PPP6R1: variants seen among roughly 807,000 people sequenced by gnomAD.
The protein encoded by PPP6R1 is protein phosphatase 6 regulatory subunit 1.
In PPP6R1, 39 loss-of-function variants were observed where a neutral mutation model predicts 104.6. The observed-to-expected ratio is 0.37, with a 90% CI of 0.29 to 0.49. The LOEUF (loss-of-function observed/expected upper bound fraction) is 0.49, where lower values mean the gene tolerates loss of function less well. Ranked by LOEUF, PPP6R1 falls within the 20% of genes least tolerant of loss-of-function variation. PPP6R1 has a pLI of 0.98. For missense variants in PPP6R1, 1,181 were observed against 1,155.8 expected (o/e 1.02, Z -0.32); for synonymous variants, 549 against 479.0 (o/e 1.15, Z -1.91).
rs1276711694 is a variant in PPP6R1 at position 55,245,545 on chromosome 19, C to T, written c.361G>A (p.Ala121Thr). The change falls in exon 3 of 24, where the codon GCC becomes ACC. Residue 121 changes from alanine (A) to threonine (T), a missense_variant. Coordinates refer to ENST00000412770, the MANE Select transcript of PPP6R1 (RefSeq NM_014931.4). This position sits in a 1 kb window ranked among gnomAD's most constrained non-coding sequence, Gnocchi z 6.4. ...CCCATGACCTTGCTGAAGAAGCTGG[C>T]CAGCAGTGGGTTGAGGCTGCCGGTG... ...QSTGSLNPLLASFFSKVMGIL... is the reference protein window; with the variant it reads ...QSTGSLNPLLTSFFSKVMGIL... The T allele has an allele frequency of 6.2e-7, 1 of 1,611,214 alleles. No individual in the cohort carries two copies. Among genetic ancestry groups the T allele is most frequent in the Non-Finnish European group, 8.5e-7 (1 of 1,178,800 alleles).
chr19:55,228,445 G>T (rs10419308), downstream of PPP6R1: 1 of 1,609,698 alleles, frequency 6.2e-7, no homozygotes, highest in East Asian at 2.2e-5. Context: ...GCGCTTTGGG[G>T]AGTGGGGAGC....
intron 15 of PPP6R1, 82 bp downstream of exon 15, chr19:55,239,323 C>T (rs1447660400): frequency 4.5e-6 from 6 of 1,347,108 alleles, no homozygotes; most frequent in African/African-American, 1.4e-5. Context: ...CATGTAGGTG[C>T]GTGCAGGGGA....
chr19:55,242,501 G>A lies in PPP6R1; in HGVS notation c.619-13C>T. On this transcript the variant is annotated splice_polypyrimidine_tract_variant and intron_variant, in intron 5 of 23. Coordinates refer to ENST00000412770, the MANE Select transcript of PPP6R1 (RefSeq NM_014931.4). ...CGTTGGAATGTTGCTGGAACGGGGA[G>A]AGACAGGTGAGGATCCTGGTCGGGC... 1 of 1,605,956 alleles carries A rather than the reference G, an allele frequency of 6.2e-7. No individual in the cohort carries two copies. The highest frequency in any genetic ancestry group is 8.5e-7 in the Non-Finnish European group (1 of 1,172,736).
chr19:55,250,681 C>T (rs2087545967), intron 1 of PPP6R1, among the ~76,000 whole-genome samples: 1 of 152,120 alleles, frequency 6.6e-6, no homozygotes, highest in Non-Finnish European at 1.5e-5. Flanking sequence ...CAGCACAGTT[C>T]GGCCAGAGGC....
rs939200970 is a variant in PPP6R1 at position 55,245,726 on chromosome 19, G to A, written c.228-48C>T. Reference sequence around the variant, plus strand: ...TGGGGGCTCGGGTCGGAGGCCGGGGGCAGGGGGCGGCAAGGCTCCACCCTC... The same window carrying A: ...TGGGGGCTCGGGTCGGAGGCCGGGGACAGGGGGCGGCAAGGCTCCACCCTC... On this transcript the variant is annotated intron_variant, in intron 2 of 23. Coordinates refer to ENST00000412770, the MANE Select transcript of PPP6R1 (RefSeq NM_014931.4). This position sits in a 1 kb window ranked among gnomAD's most constrained non-coding sequence, Gnocchi z 6.4. 5.7e-6 allele frequency: 8 copies of A among 1,395,872 alleles called. No homozygotes were observed. In the East Asian group the frequency reaches 1.7e-4, roughly 29 times the overall value. 86.5% of individuals were successfully genotyped at this position (1,395,872 alleles called of 1,614,324 possible).
rs1408956716 is a variant in PPP6R1, at chr19:55,232,080, G to C, written c.2120C>G (p.Pro707Arg). The change falls in exon 18 of 24, where the codon CCT becomes CGT. Residue 707 changes from proline to arginine, a missense_variant. Transcript: ENST00000412770. ...CACACCGCCCATTCATTCACCTGGA[G>C]GCTGAGGGCCAGGGCTGGGGTAGGA... ...PLSYPSPGPQPPGPSWTATFD... is the reference protein window; with the variant it reads ...PLSYPSPGPQRPGPSWTATFD... 6.2e-7 allele frequency: 1 copy of C among 1,611,554 alleles called. No individual in the cohort carries two copies.
intron 5 of PPP6R1, among the ~76,000 whole-genome samples, chr19:55,244,416 G>C (rs1420983887): frequency 6.6e-6 from 1 of 152,242 alleles, no homozygotes; most frequent in Admixed American, 6.5e-5. Context: ...GAGGATGTGA[G>C]GGCGCTTGAA....
chr19:55,240,640 C>T (rs2087446781), intron 10 of PPP6R1, among the ~76,000 whole-genome samples: 1 of 137,306 alleles, frequency 7.3e-6, no homozygotes, highest in African/African-American at 2.6e-5. Flanking sequence ...TGCTCTCACA[C>T]ACGCTTGCAC....
intron 1 of PPP6R1, among the ~76,000 whole-genome samples, chr19:55,249,702 A>G (rs1207549697): frequency 1.3e-5 from 2 of 152,108 alleles, no homozygotes; most frequent in East Asian, 3.9e-4. Flanking sequence ...TTAGCCGGGC[A>G]TGGTGGTGTG....
At chr19:55,251,911 A>T (rs192876654) in intron 1 of PPP6R1, among the ~76,000 whole-genome samples, 15 of 152,262 alleles carry the variant, frequency 9.9e-5, no homozygotes, top group Non-Finnish European at 1.6e-4. Context: ...GGCTGTGGCG[A>T]GCAAAGCACC....
At chr19:55,229,075 C>T (rs959108344), downstream of PPP6R1, 2 of 269,594 alleles carry the variant, frequency 7.4e-6, no homozygotes, top group African/African-American at 2.1e-5. Flanking sequence ...CCAACAGCCA[C>T]CCCATCATGG....
At chr19:55,257,947 G>A (rs893082588) in intron 1 of PPP6R1, among the ~76,000 whole-genome samples, 1 of 152,206 alleles carries the variant, frequency 6.6e-6, no homozygotes, top group African/African-American at 2.4e-5. Context: ...GGAGAGGGTC[G>A]GTCAAGGTGA....
intron 17 of PPP6R1, chr19:55,232,504 T>A (rs927982296): frequency 2.4e-6 from 1 of 412,066 alleles, no homozygotes; most frequent in African/African-American, 2.0e-5. Flanking sequence ...GCCTCAGCCA[T>A]GGCAACCAGA....
chr19:55,230,755 C>CCTG lies in PPP6R1; in HGVS notation c.2570+18_2570+19insCAG. On this transcript the variant is annotated intron_variant, in intron 22 of 23. Coordinates refer to ENST00000412770, the MANE Select transcript of PPP6R1 (RefSeq NM_014931.4). ...CCAGCCCCACCCCCACCCCCCCGCC[C>CCTG]TGCTGCCCTGGTGCTCACCTCTGGC... is the stretch of plus-strand genomic sequence containing the variant. 6.9e-7 allele frequency: 1 copy of CCTG among 1,439,246 alleles called. No homozygotes were observed. The highest frequency in any genetic ancestry group is 1.3e-5 in the South Asian group (1 of 76,722). The allele number at this position is 1,439,246 out of a possible 1,614,324, so 89.2% of individuals were successfully genotyped here.
chr19:55,233,331 C>T (rs1568943440), intron 17 of PPP6R1: 1 of 152,068 alleles, frequency 6.6e-6, no homozygotes, highest in Non-Finnish European at 1.5e-5. Context: ...TCTACAAAAC[C>T]CCACAACTAA....
Position 55,231,627 on chromosome 19 carries a change from G to A in PPP6R1, c.2348C>T (p.Thr783Ile), listed in dbSNP as rs1394160249. The change falls in exon 20 of 24, where the codon ACA becomes ATA. Residue 783 changes from threonine to isoleucine, a missense_variant. This residue lies in a region of PPP6R1 where 1,042 missense variants were observed against 955.6 expected (regional missense o/e 1.09). Transcript: ENST00000412770. ...GGGCTCCGTGACTTTGCTGCCTTCT[G>A]TGGCTTCCTGAGGTGCTGAGGGGGG... is the stretch of plus-strand genomic sequence containing the variant. Reference protein sequence around the residue: ...PTPPSAPQEATEGSKVTEPSA... With the variant: ...PTPPSAPQEAIEGSKVTEPSA... 6.2e-7 allele frequency: 1 copy of A among 1,611,834 alleles called. No homozygotes were observed. The highest frequency in any genetic ancestry group is 8.5e-7 in the Non-Finnish European group (1 of 1,179,088).
chr19:55,240,666 C>T (rs993727968), intron 10 of PPP6R1, among the ~76,000 whole-genome samples: 2 of 152,114 alleles, frequency 1.3e-5, no homozygotes, highest in African/African-American at 2.4e-5. Context: ...CATGCTCACA[C>T]ACGCACGTGT....
At position 55,245,413 on chromosome 19, in the gene PPP6R1, A is replaced by C. The variant is rs371144184; in HGVS notation, c.415-11T>G. On this transcript the variant is annotated splice_polypyrimidine_tract_variant and intron_variant, in intron 3 of 23. Transcript: ENST00000412770. The surrounding 1 kb of genome is among the most constrained non-coding windows in gnomAD (Gnocchi z 6.4). The stretch of plus-strand genomic sequence containing the variant: ...AAGAAAGGACACGAGCTGGGGGCAC[A>C]CGGGCTGCGTCATGCACAGGGCCTG... 6 of 1,613,240 alleles carry C rather than the reference A, an allele frequency of 3.7e-6. No individual in the cohort carries two copies. The highest frequency in any genetic ancestry group is 5.1e-6 in the Non-Finnish European group (6 of 1,179,722).
intron 1 of PPP6R1, among the ~76,000 whole-genome samples, chr19:55,247,777 C>A (rs905784436): frequency 6.6e-6 from 1 of 152,160 alleles, no homozygotes; most frequent in African/African-American, 2.4e-5. Context: ...CACAAACACA[C>A]CCCAACCATC....
Sources: allele counts gnomAD v4.1 joint callset (sites outside exome capture counted in the v4.1 genomes callset), GRCh38; gene constraint gnomAD v4.1.1; regional missense constraint gnomAD v4.1.1; non-coding constraint Gnocchi (gnomAD v3.1); transcripts MANE v1.5; gene names NCBI Gene and HGNC (gene_info 2026-07-23, HGNC 2026-07-21).